Variants in USP8 observed in about 807,000 individuals in gnomAD.
The protein encoded by USP8 is ubiquitin specific peptidase 8, also known as ubiquitin carboxyl-terminal hydrolase 8.
USP8 carries 27 observed loss-of-function variants against 130.0 expected under a neutral mutation model. The ratio of observed to expected loss-of-function variants is 0.21; its 90% CI spans 0.15 to 0.29. The LOEUF (loss-of-function observed/expected upper bound fraction) is 0.29, where lower values mean the gene tolerates loss of function less well. USP8 is among the 10% of genes least tolerant of loss of function. USP8 has a pLI of 1.00. For missense variants in USP8, 1,029 were observed against 1,312.2 expected (o/e 0.78, Z 3.33); for synonymous variants, 392 against 444.1 (o/e 0.88, Z 1.48).
intron 8 of USP8, among the ~76,000 whole-genome samples, chr15:50,471,999 C>T (rs922081921): frequency 2.0e-5 from 3 of 150,372 alleles, no homozygotes; most frequent in African/African-American, 7.3e-5. Flanking sequence ...GTCCCAGGTT[C>T]AAGCGATTCT....
chr15:50,498,612 A>T lies in USP8; in HGVS notation c.3055A>T (p.Arg1019Trp). The part of the protein sequence containing the change: ...VHLKRFSYDG[R>W]WKQKLQTSVD... ...GTTCTGCAGTTTTTCCTACGATGGC[A>T]GGTGGAAACAAAAATTACAGACATC... The change falls in exon 19 of 20, where the codon AGG becomes TGG. Residue 1019 changes from arginine (R) to tryptophan (W), a missense_variant. By Grantham distance (101) the Arg-to-Trp change is moderately radical (BLOSUM62 -3). This residue lies in a region of USP8 where 257 missense variants were observed against 429.8 expected (regional missense o/e 0.60). Coordinates refer to ENST00000307179, the MANE Select transcript of USP8 (RefSeq NM_005154.5). 6.2e-7 allele frequency: 1 copy of T among 1,609,496 alleles called. No homozygotes were observed. The highest frequency in any genetic ancestry group is 1.3e-5 in the African/African-American group (1 of 74,926).
At chr15:50,498,526 G>T in intron 18 of USP8, 70 bp from the exon 19 acceptor site, 1 of 1,473,464 alleles carries the variant, frequency 6.8e-7, no homozygotes, top group Non-Finnish European at 9.0e-7. Context: ...TAAAAATCTA[G>T]ATGTTAATGA....
Position 50,508,778 on chromosome 15 carries a change from G to A in USP8, c.*9690G>A, listed in dbSNP as rs1369927455. The A allele has an allele frequency of 1.3e-5, 2 of 151,888 alleles. No homozygotes were observed. The highest frequency in any genetic ancestry group is 4.8e-5 in the African/African-American group (2 of 41,322). The allele number at this position is 151,888 out of a possible 1,614,324, so 9.4% of individuals were successfully genotyped here. On this transcript the variant is annotated 3_prime_UTR_variant, in exon 20 of 20. Transcript: ENST00000307179. The stretch of plus-strand genomic sequence containing the variant: ...TTTGGGAGGCCAAGGCAGATGGATC[G>A]CCTGAGTCCAGGAGTTTGAAACCAG...
intron 19 of USP8, 43 bp from the exon 20 acceptor site, chr15:50,498,860 A>G (rs1334104651): frequency 7.0e-6 from 11 of 1,562,368 alleles, no homozygotes; most frequent in Non-Finnish European, 8.7e-6. Context: ...TTAAATAACA[A>G]TTTTAACTGA....
At chr15:50,475,434 A>G (rs1289179653) in intron 8 of USP8, among the ~76,000 whole-genome samples, 1 of 152,132 alleles carries the variant, frequency 6.6e-6, no homozygotes, top group Non-Finnish European at 1.5e-5. Flanking sequence ...GGGCATTCTC[A>G]TATCCTGTTG....
chr15:50,466,246 A>T (rs1364071908), intron 7 of USP8, among the ~76,000 whole-genome samples: 1 of 152,192 alleles, frequency 6.6e-6, no homozygotes, highest in Non-Finnish European at 1.5e-5. Flanking sequence ...CATATTGCAG[A>T]TGCTTGATAA....
chr15:50,454,237 C>T (rs550107895), intron 4 of USP8, among the ~76,000 whole-genome samples: 12 of 152,080 alleles, frequency 7.9e-5, no homozygotes, highest in Non-Finnish European at 1.6e-4. Context: ...TCCCTTTTGT[C>T]ACTTCAGAGC....
chr15:50,494,307 C>T (rs1328637066), intron 16 of USP8, 27 bp downstream of exon 16: 3 of 1,576,064 alleles, frequency 1.9e-6, no homozygotes, highest in East Asian at 4.5e-5. Flanking sequence ...TTCTAAGTTG[C>T]AGAGACTCTT....
Position 50,507,727 on chromosome 15 carries a change from A to T in USP8, c.*8639A>T, listed in dbSNP as rs1046278301. The T allele has an allele frequency of 6.6e-6, 1 of 152,152 alleles. No homozygotes were observed. Among genetic ancestry groups the T allele is most frequent in the Non-Finnish European group, 1.5e-5 (1 of 68,024 alleles). 9.4% of individuals were successfully genotyped at this position (152,152 alleles called of 1,614,324 possible). A position where few individuals can be genotyped will look rare whatever the true frequency, so the allele number is the denominator to read the frequency against. ...TACAGCTTTTACAATATATACTTAG[A>T]TGAGTATCTGACTCCTGAAATAGAA... On this transcript the variant is annotated 3_prime_UTR_variant, in exon 20 of 20. Transcript: ENST00000307179.
In USP8 at chr15:50,506,937, G is replaced by T. The variant is rs1442308872; in HGVS notation, c.*7849G>T. On this transcript the variant is annotated 3_prime_UTR_variant, in exon 20 of 20. Transcript: ENST00000307179. ...CGTGCCACTGCATTCCAGCCTGGGC[G>T]ACAGAGCGAGACTTCATCTCAAAAA... 1 of 123,086 alleles carries T rather than the reference G, an allele frequency of 8.1e-6. No homozygotes were observed. Among genetic ancestry groups the T allele is most frequent in the Non-Finnish European group, 1.6e-5 (1 of 62,540 alleles). 7.6% of individuals were successfully genotyped at this position (123,086 alleles called of 1,614,324 possible).
intron 4 of USP8, among the ~76,000 whole-genome samples, chr15:50,450,078 A>G (rs924454513): frequency 2.7e-5 from 4 of 150,308 alleles, no homozygotes; most frequent in Non-Finnish European, 5.9e-5. Flanking sequence ...TATTTTTAGT[A>G]GAGACGGGGT....
rs1222478352 is a variant in USP8, at chr15:50,450,128, C to T, written c.335+643C>T. On this transcript the variant is annotated intron_variant, in intron 4 of 19. Transcript: ENST00000307179. ...CAGGATGGTCTCGAGCTCCTGACCT[C>T]AAGTGATCCGCCCGCCTCAGCCTCC... is the stretch of plus-strand genomic sequence containing the variant. Among the ~76,000 whole-genome samples, 3 of 151,740 alleles carry T rather than the reference C, an allele frequency of 2.0e-5. No homozygotes were observed. In the East Asian group the frequency reaches 5.8e-4, roughly 30 times the overall value.
At chr15:50,489,765 A>C (rs74014313) in intron 12 of USP8, 36 bp from the exon 13 acceptor site, 5 of 1,320,664 alleles carry the variant, frequency 3.8e-6, no homozygotes, top group Non-Finnish European at 2.0e-6. Flanking sequence ...TTTAAAAAAA[A>C]TTTTTTTTTA....
chr15:50,496,892 C>T (rs923984319), intron 17 of USP8, 197 bp from the exon 18 acceptor site: 2 of 593,654 alleles, frequency 3.4e-6, no homozygotes, highest in African/African-American at 1.9e-5. Flanking sequence ...GTAGGTAGCA[C>T]TCACCACACT....
In USP8 at chr15:50,439,547, G is replaced by A. The variant is rs144112228; in HGVS notation, c.104+370G>A. Among the ~76,000 whole-genome samples, 961 of 152,232 alleles carry A rather than the reference G, an allele frequency of 6.3e-3. 14 individuals are homozygous for A. Among genetic ancestry groups the A allele is most frequent in the African/African-American group, 0.022 (925 of 41,542 alleles). On this transcript the variant is annotated intron_variant, in intron 2 of 19. Transcript: ENST00000307179. ...CTCACGCTTGTAATCCCAGCACTTT[G>A]GGAGGCCAAGGTGGGCGGATCACCT...
At chr15:50,486,394 G>C (rs1195402431) in intron 12 of USP8, among the ~76,000 whole-genome samples, 3 of 151,968 alleles carry the variant, frequency 2.0e-5, no homozygotes, top group African/African-American at 7.3e-5. Context: ...GGCTGAGGTG[G>C]GAGGATCACC....
chr15:50,481,835 A>T lies in USP8; in HGVS notation c.1573A>T (p.Met525Leu), dbSNP rs2051784256. The T allele has an allele frequency of 1.3e-6, 2 of 1,527,242 alleles. No individual in the cohort carries two copies. The highest frequency in any genetic ancestry group is 1.7e-6 in the Non-Finnish European group (2 of 1,143,330). The allele number at this position is 1,527,242 out of a possible 1,614,324, so 94.6% of individuals were successfully genotyped here. A position where few individuals can be genotyped will look rare whatever the true frequency, so the allele number is the denominator to read the frequency against. Reference protein sequence around the residue: ...TEKQQKAKEEMEKKESEQAKK... With the variant: ...TEKQQKAKEELEKKESEQAKK... ...GAAGCAACAAAAAGCAAAAGAAGAA[A>T]TGGAGAAGAAAGAAAGTGAACAGGC... The change falls in exon 11 of 20, where the codon ATG (methionine) becomes TTG (leucine). Residue 525 changes from methionine to leucine, a missense_variant. Physicochemically the swap from Met to Leu is conservative, Grantham distance 15 (BLOSUM62 2). This residue lies in a region of USP8 where 486 missense variants were observed against 522.0 expected (regional missense o/e 0.93). Transcript: ENST00000307179.
chr15:50,500,764 C>CTA lies in USP8; in HGVS notation c.*1680_*1681dup, dbSNP rs746676109. On this transcript the variant is annotated 3_prime_UTR_variant, in exon 20 of 20. Coordinates refer to ENST00000307179, the MANE Select transcript of USP8 (RefSeq NM_005154.5). ...CTCACTGACTCGTGTGTTATCAAAGCTATATCAGGCCTGGGTGACTGAATT... is the reference window on the plus strand; with the variant it reads ...CTCACTGACTCGTGTGTTATCAAAGCTATATATCAGGCCTGGGTGACTGAATT... 1 of 1,583,772 alleles carries CTA rather than the reference C, an allele frequency of 6.3e-7. No homozygotes were observed. The highest frequency in any genetic ancestry group is 1.2e-5 in the South Asian group (1 of 86,404).
At chr15:50,497,765 TTCACATAA>T (rs928475181) in intron 18 of USP8, 7 of 152,210 alleles carry the variant, frequency 4.6e-5, no homozygotes, top group African/African-American at 9.6e-5. Context: ...TTCTTTGGTC[TTCACATAA>T]TCACATAATC....
Sources: gnomAD v4.1 joint callset for allele counts (sites outside exome capture counted in the v4.1 genomes callset) on GRCh38, gnomAD v4.1.1 for gene constraint, gnomAD v4.1.1 regional missense constraint, MANE v1.5 for transcripts, NCBI Gene and HGNC (gene_info 2026-07-23, HGNC 2026-07-21) for gene names.